CALU: variants seen among roughly 807,000 people sequenced by gnomAD.
CALU encodes IEF SSP 9302.
In CALU, 13 loss-of-function variants were observed where a neutral mutation model predicts 37.5. The observed-to-expected ratio is 0.35, with a 90% CI of 0.23 to 0.55. The LOEUF is 0.55. Ranked by LOEUF, CALU falls within the 20% of genes least tolerant of loss-of-function variation. CALU has a pLI of 0.89. For synonymous variants in CALU, 114 were observed against 133.8 expected, an observed-to-expected ratio of 0.85 and a Z score of 1.02; for missense variants, 282 against 391.7, an observed-to-expected ratio of 0.72 and a Z score of 2.36.
chr7:128,740,256 T>G (rs951438242), intron 1 of CALU, among the ~76,000 whole-genome samples: 13 of 152,230 alleles, frequency 8.5e-5, no homozygotes, highest in African/African-American at 3.1e-4. Flanking sequence ...CTAAAACTTT[T>G]GAGCCTGTGA....
intron 5 of CALU, among the ~76,000 whole-genome samples, chr7:128,763,203 A>G (rs1801191417): frequency 6.6e-6 from 1 of 152,192 alleles, no homozygotes; most frequent in African/African-American, 2.4e-5. Context: ...AATTAATAAT[A>G]CCTTCAAATC....
intron 1 of CALU, among the ~76,000 whole-genome samples, chr7:128,740,744 T>C (rs1422057554): frequency 1.3e-5 from 2 of 152,196 alleles, no homozygotes; most frequent in Non-Finnish European, 2.9e-5. Flanking sequence ...CCTGAGTGAA[T>C]AGTACTCAAT....
intron 1 of CALU, among the ~76,000 whole-genome samples, chr7:128,741,378 G>A (rs1341867455): frequency 6.6e-6 from 1 of 152,188 alleles, no homozygotes; most frequent in Non-Finnish European, 1.5e-5. Context: ...TATCAAAAAA[G>A]TGCAAGACAA....
rs953218014 is a variant in CALU at position 128,770,686 on chromosome 7, T to C, written c.*1519T>C. ...ACCACCCTTTGTTCCCAACTCCACT[T>C]TACCCATATTTTATGCAACACAAAC... On this transcript the variant is annotated 3_prime_UTR_variant, in exon 7 of 7. Coordinates refer to ENST00000249364, the MANE Select transcript of CALU (RefSeq NM_001219.5). The C allele has an allele frequency of 1.3e-5, 2 of 152,618 alleles. No homozygotes were observed. Among genetic ancestry groups the C allele is most frequent in the African/African-American group, 4.8e-5 (2 of 41,454 alleles). 9.5% of individuals were successfully genotyped at this position (152,618 alleles called of 1,614,324 possible).
intron 1 of CALU, among the ~76,000 whole-genome samples, chr7:128,742,356 C>T (rs1800271191): frequency 6.6e-6 from 1 of 152,156 alleles, no homozygotes; most frequent in Admixed American, 6.5e-5. Context: ...AAATAAATGC[C>T]TTTTCTGGTG....
intron 5 of CALU, among the ~76,000 whole-genome samples, chr7:128,766,558 A>G (rs1801343626): frequency 6.6e-6 from 1 of 150,706 alleles, no homozygotes; most frequent in East Asian, 2.0e-4. Context: ...CCTCTCGAGT[A>G]GCTGGGATTA....
At chr7:128,760,200 A>AAAAG (rs997497282) in intron 5 of CALU, among the ~76,000 whole-genome samples, 1 of 152,200 alleles carries the variant, frequency 6.6e-6, no homozygotes, top group South Asian at 2.1e-4. Context: ...CTGTCTCAAA[A>AAAAG]AAAGAAAGAA....
chr7:128,751,767 A>G (rs747413608), intron 2 of CALU, among the ~76,000 whole-genome samples: 11 of 152,226 alleles, frequency 7.2e-5, no homozygotes, highest in Non-Finnish European at 1.2e-4. Flanking sequence ...TTGCACACTG[A>G]AAATTTCAGG....
rs1801673880 is a variant in CALU at position 128,773,378 on chromosome 7, T to C, written c.*4211T>C. The stretch of plus-strand genomic sequence containing the variant: ...GCCATGGTGGTTTGCTGCACGAGTT[T>C]TTCAATAAAATGCTTTCATTCATCC... On this transcript the variant is annotated 3_prime_UTR_variant, in exon 7 of 7. Coordinates refer to ENST00000249364, the MANE Select transcript of CALU (RefSeq NM_001219.5). Among the ~76,000 whole-genome samples, 1 of 152,190 alleles carries C rather than the reference T, an allele frequency of 6.6e-6. No individual in the cohort carries two copies. The highest frequency in any genetic ancestry group is 1.5e-5 in the Non-Finnish European group (1 of 68,030).
In CALU at chr7:128,754,442, C is replaced by T. The variant is rs759295892; in HGVS notation, c.402C>T (p.Tyr134=). The T allele has an allele frequency of 5.0e-5, 81 of 1,612,938 alleles. No individual in the cohort carries two copies. The highest frequency in any genetic ancestry group is 4.5e-4 in the South Asian group (41 of 90,802). The change falls in exon 3 of 7, where the codon TAC becomes TAT. Residue 134 remains tyrosine (Y), a synonymous_variant. Transcript: ENST00000249364. ...VSWEEYKNAT[Y]GYVLDDPDPD... ...GGGAGGAGTATAAAAATGCCACCTA[C>T]GGCTACGTTTTAGGTAGGTCCCTAC...
chr7:128,767,919 A>G (rs994757454), intron 6 of CALU, among the ~76,000 whole-genome samples: 4 of 152,140 alleles, frequency 2.6e-5, no homozygotes, highest in Non-Finnish European at 4.4e-5. Context: ...TGTGCCCAGC[A>G]TGCATCATCA....
intron 3 of CALU, among the ~76,000 whole-genome samples, chr7:128,755,271 T>G (rs1800831291): frequency 8.2e-6 from 1 of 122,448 alleles, no homozygotes; most frequent in African/African-American, 3.2e-5. Flanking sequence ...ATGATTGCAC[T>G]GCTGCACACC....
intron 5 of CALU, among the ~76,000 whole-genome samples, chr7:128,762,712 G>A (rs1801170472): frequency 6.6e-6 from 1 of 151,972 alleles, no homozygotes. Flanking sequence ...TGTCACCCAG[G>A]CTGGAGTGCA....
chr7:128,751,762 C>T (rs1563129403), intron 2 of CALU, among the ~76,000 whole-genome samples: 1 of 152,156 alleles, frequency 6.6e-6, no homozygotes, highest in Non-Finnish European at 1.5e-5. Context: ...AAATTTTGCA[C>T]ACTGAAAATT....
In CALU at chr7:128,771,438, G is replaced by T. The variant is rs1585025406; in HGVS notation, c.*2271G>T. ...GTTTTATATTCTGCAATGCGAACAG[G>T]TACCTATCTGTTTCTAAATAAAACT... is the stretch of plus-strand genomic sequence containing the variant. On this transcript the variant is annotated 3_prime_UTR_variant, in exon 7 of 7. Coordinates refer to ENST00000249364, the MANE Select transcript of CALU (RefSeq NM_001219.5). The T allele has an allele frequency of 6.6e-6, 1 of 152,574 alleles. No individual in the cohort carries two copies. The highest frequency in any genetic ancestry group is 6.5e-5 in the Admixed American group (1 of 15,274). The allele number at this position is 152,574 out of a possible 1,614,324, so 9.5% of individuals were successfully genotyped here.
chr7:128,748,233 G>C, intron 1 of CALU: 1 of 659,796 alleles, frequency 1.5e-6, no homozygotes, highest in Non-Finnish European at 2.5e-6. Flanking sequence ...TTAAACCTTG[G>C]TTCTTTCACT....
Position 128,762,140 on chromosome 7 carries a change from A to C in CALU, c.643+2288A>C, listed in dbSNP as rs1028338323. Among the ~76,000 whole-genome samples, 81 of 151,994 alleles carry C rather than the reference A, an allele frequency of 5.3e-4. 1 individual carries two copies. Among genetic ancestry groups the C allele is most frequent in the African/African-American group, 1.9e-3 (77 of 41,426 alleles). On this transcript the variant is annotated intron_variant, in intron 5 of 6. Transcript: ENST00000249364. ...GATGTTACTAGGGTTTTCTACTTTT[A>C]AATGATTTATCTTTTTATTCTTGGC...
intron 1 of CALU, among the ~76,000 whole-genome samples, chr7:128,739,719 T>A (rs1476618899): frequency 6.6e-6 from 1 of 152,090 alleles, no homozygotes; most frequent in East Asian, 1.9e-4. Context: ...TGCGTCCTGG[T>A]CCTCCATCTC....
chr7:128,748,878 G>T (rs1800551196), intron 2 of CALU, 74 bp downstream of exon 2: 4 of 997,712 alleles, frequency 4.0e-6, no homozygotes, highest in Non-Finnish European at 6.1e-6. Context: ...TTCTTTTCTG[G>T]CTCAGTTATG....
Sources: allele counts gnomAD v4.1 joint callset (sites outside exome capture counted in the v4.1 genomes callset), GRCh38; gene constraint gnomAD v4.1.1; transcripts MANE v1.5; gene names NCBI Gene and HGNC (gene_info 2026-07-23, HGNC 2026-07-21).